POT1: variants seen among roughly 807,000 people sequenced by gnomAD.
The protein encoded by POT1 is protection of telomeres 1, also known as protection of telomeres protein 1.
In POT1, 47 loss-of-function variants were observed where a neutral mutation model predicts 78.5. That is an observed-to-expected ratio of 0.60 (90% CI 0.47 to 0.76). The LOEUF (loss-of-function observed/expected upper bound fraction) is 0.76, where lower values mean the gene tolerates loss of function less well. Among genes scored for constraint, POT1 ranks in the 30% least tolerant of loss-of-function variants. The pLI is 0.00. For missense variants in POT1, 646 were observed against 749.9 expected, an observed-to-expected ratio of 0.86 and a Z score of 1.62; for synonymous variants, 259 against 260.7, an observed-to-expected ratio of 0.99 and a Z score of 0.06.
chr7:124,843,568 A>AGTTG (rs1795084331), intron 12 of POT1, among the ~76,000 whole-genome samples: 1 of 152,162 alleles, frequency 6.6e-6, no homozygotes, highest in South Asian at 2.1e-4. Context: ...CTGGAAAAAA[A>AGTTG]ACTCAGACAA....
intron 13 of POT1, among the ~76,000 whole-genome samples, chr7:124,842,426 G>GATATTTCTCTTTATCACTTAATTA (rs1795049946): frequency 6.6e-6 from 1 of 151,782 alleles, no homozygotes; most frequent in Non-Finnish European, 1.5e-5. Flanking sequence ...TTACCAACAA[G>GATATTTCTCTTTATCACTTAATTA]GCTCTCTTTA....
intron 9 of POT1, among the ~76,000 whole-genome samples, chr7:124,858,111 A>C (rs974246062): frequency 1.3e-5 from 2 of 152,132 alleles, no homozygotes; most frequent in African/African-American, 2.4e-5. Context: ...TGTGCACTCC[A>C]GTTCCTGCCC....
Position 124,846,950 on chromosome 7 carries a change from G to A in POT1, c.998C>T (p.Ser333Phe), listed in dbSNP as rs962144004. 1 of 1,598,734 alleles carries A rather than the reference G, an allele frequency of 6.3e-7. No individual in the cohort carries two copies. The highest frequency in any genetic ancestry group is 1.1e-5 in the South Asian group (1 of 90,698). Residue 333 changes from serine (S) to phenylalanine (F), a missense_variant, in exon 12 of 19, where the codon TCT becomes TTT. Coordinates refer to ENST00000357628, the MANE Select transcript of POT1 (RefSeq NM_015450.3). ...LYEVERCQQL[S>F]ATILTDHQYL... The stretch of plus-strand genomic sequence containing the variant: ...ATGATACATAGTCTTACTTGTAGCA[G>A]ATAGCTGTTGACATCTTTCTACCTC...
At chr7:124,906,470 C>T (rs2116672656) in intron 3 of POT1, among the ~76,000 whole-genome samples, 1 of 131,198 alleles carries the variant, frequency 7.6e-6, no homozygotes, top group East Asian at 2.2e-4. Flanking sequence ...TGGGGAACAT[C>T]ACACACCGGG....
At chr7:124,904,256 G>A (rs564769687) in intron 3 of POT1, among the ~76,000 whole-genome samples, 8 of 152,172 alleles carry the variant, frequency 5.3e-5, no homozygotes, top group East Asian at 3.9e-4. Context: ...ACATCAGTGT[G>A]AAAATCCTCA....
chr7:124,859,700 A>C (rs537557588), intron 8 of POT1, among the ~76,000 whole-genome samples: 83 of 150,836 alleles, frequency 5.5e-4, no homozygotes, highest in African/African-American at 1.8e-3. Context: ...CTCTGGCTAT[A>C]AATGACGCCT....
intron 17 of POT1, among the ~76,000 whole-genome samples, chr7:124,826,733 G>C (rs1794638671): frequency 6.6e-6 from 1 of 152,148 alleles, no homozygotes; most frequent in Non-Finnish European, 1.5e-5. Flanking sequence ...AGCTGGGCGT[G>C]GTGGTGCATA....
intron 14 of POT1, among the ~76,000 whole-genome samples, chr7:124,839,991 G>A (rs1056186647): frequency 1.4e-5 from 2 of 140,034 alleles, no homozygotes; most frequent in African/African-American, 5.2e-5. Context: ...TTCTTTTTAA[G>A]ACTTCATTTT....
intron 18 of POT1, 120 bp from the exon 19 acceptor site, chr7:124,824,194 T>G: frequency 1.7e-6 from 1 of 592,790 alleles, no homozygotes; most frequent in Non-Finnish European, 2.9e-6. Context: ...GCTTGAAAAG[T>G]AAGTAAACGT....
At chr7:124,843,800 G>A (rs958308637) in intron 12 of POT1, among the ~76,000 whole-genome samples, 8 of 152,308 alleles carry the variant, frequency 5.3e-5, no homozygotes, top group African/African-American at 1.4e-4. Context: ...CCTCAATGGC[G>A]AAGACAATTC....
chr7:124,865,507 T>C (rs1795697966), intron 7 of POT1, among the ~76,000 whole-genome samples: 1 of 152,024 alleles, frequency 6.6e-6, no homozygotes, highest in South Asian at 2.1e-4. Flanking sequence ...TAATGATTTG[T>C]CATCAATTTA....
In POT1 at chr7:124,853,004, T is replaced by C. The variant is rs749530809; in HGVS notation, c.837A>G (p.Pro279=). ...GTTGATCCACATCAGAGTTACTTTC[T>C]GGCAAGACCCTGATTCCCCGACCGT... ...TSYGRGIRVL[P]ESNSDVDQLK... The change falls in exon 10 of 19, where the codon CCA becomes CCG. Residue 279 remains proline (P), a synonymous_variant. Transcript: ENST00000357628. 6.2e-7 allele frequency: 1 copy of C among 1,613,464 alleles called. No individual in the cohort carries two copies.
At chr7:124,824,585 A>G (rs1045312291) in intron 18 of POT1, among the ~76,000 whole-genome samples, 1 of 152,124 alleles carries the variant, frequency 6.6e-6, no homozygotes, top group Non-Finnish European at 1.5e-5. Context: ...GATTAAAAAT[A>G]GTATATAAAA....
chr7:124,867,610 C>T (rs573959051), intron 7 of POT1, among the ~76,000 whole-genome samples: 1 of 151,712 alleles, frequency 6.6e-6, no homozygotes, highest in African/African-American at 2.4e-5. Flanking sequence ...ATTAGAAAGG[C>T]CTTTCCTGAT....
At chr7:124,853,494 T>A (rs974558616) in intron 9 of POT1, 1 of 157,382 alleles carries the variant, frequency 6.4e-6, no homozygotes, top group African/African-American at 2.4e-5. Context: ...TAAACGGAAT[T>A]CAAGCCCTCT....
At chr7:124,827,444 AT>A in intron 16 of POT1, 139 bp from the exon 17 acceptor site, 1 of 442,916 alleles carries the variant, frequency 2.3e-6, no homozygotes, top group Non-Finnish European at 4.0e-6. Context: ...AAAACTTGGC[AT>A]TATCTCCAGG....
At chr7:124,902,706 C>G (rs1001773282) in intron 3 of POT1, among the ~76,000 whole-genome samples, 1 of 152,110 alleles carries the variant, frequency 6.6e-6, no homozygotes, top group Non-Finnish European at 1.5e-5. Context: ...GGGCTAAATG[C>G]TCCAATTAAA....
At chr7:124,907,561 C>T (rs868191102) in intron 3 of POT1, among the ~76,000 whole-genome samples, 56 of 152,054 alleles carry the variant, frequency 3.7e-4, no homozygotes, top group African/African-American at 1.3e-3. Flanking sequence ...GTGGAAAATA[C>T]TCTATAAGGT....
rs187769346 is a variant in POT1, at chr7:124,866,399, A to G, written c.256-2759T>C. On this transcript the variant is annotated intron_variant, in intron 7 of 18. Coordinates refer to ENST00000357628, the MANE Select transcript of POT1 (RefSeq NM_015450.3). ...TTGTCCCTGACTATCTTGGACTTCC[A>G]GCACCCCATTACTAGACCTCCAGTA... Among the ~76,000 whole-genome samples, 5 of 152,242 alleles carry G rather than the reference A, an allele frequency of 3.3e-5. No individual in the cohort carries two copies. In the East Asian group the frequency reaches 9.7e-4, roughly 29 times the overall value.
Sources: allele counts gnomAD v4.1 joint callset (sites outside exome capture counted in the v4.1 genomes callset), GRCh38; gene constraint gnomAD v4.1.1; transcripts MANE v1.5; gene names NCBI Gene and HGNC (gene_info 2026-07-23, HGNC 2026-07-21).